The following NCALD variants were observed in gnomAD, a reference collection of about 807,000 sequenced individuals.
NCALD encodes neurocalcin delta, also known as neurocalcin-delta.
NCALD carries 10 observed loss-of-function variants against 18.6 expected under a neutral mutation model. That is an observed-to-expected ratio of 0.54 (90% CI 0.33 to 0.91). The LOEUF (loss-of-function observed/expected upper bound fraction) is 0.91. Among genes scored for constraint, NCALD ranks in the 40% least tolerant of loss-of-function variants. NCALD has a pLI of 0.03. For missense variants in NCALD, 184 were observed against 247.6 expected (o/e 0.74, Z 1.72); for synonymous variants, 88 against 87.4 (o/e 1.01, Z -0.04).
chr8:102,058,452 A>G (rs1823729401), intron 1 of NCALD, among the ~76,000 whole-genome samples: 1 of 152,226 alleles, frequency 6.6e-6, no homozygotes, highest in African/African-American at 2.4e-5. Context: ...TGTGGGCACC[A>G]TTCATTTTTC....
chr8:101,729,883 G>T (rs954789515), intron 1 of NCALD, among the ~76,000 whole-genome samples: 1 of 152,054 alleles, frequency 6.6e-6, no homozygotes, highest in African/African-American at 2.4e-5. Flanking sequence ...CTTCTGATAA[G>T]AATCTGAGCA....
chr8:102,094,451 A>T (rs114961396), intron 1 of NCALD, among the ~76,000 whole-genome samples: 3 of 152,292 alleles, frequency 2.0e-5, no homozygotes, highest in African/African-American at 7.2e-5. Context: ...TATCTCAAAC[A>T]AGTACTAAGG....
At chr8:101,771,954 T>A (rs1811600947) in intron 1 of NCALD, among the ~76,000 whole-genome samples, 1 of 152,200 alleles carries the variant, frequency 6.6e-6, no homozygotes, top group African/African-American at 2.4e-5. Flanking sequence ...CCAGACAGAA[T>A]ATGATCAAGG....
chr8:101,944,629 C>A (rs1297773641), intron 2 of NCALD, among the ~76,000 whole-genome samples: 1 of 152,194 alleles, frequency 6.6e-6, no homozygotes. Context: ...TCCCATTGGG[C>A]AGTGCCAATT....
At chr8:102,082,613 A>T (rs947546703) in intron 1 of NCALD, among the ~76,000 whole-genome samples, 2 of 152,104 alleles carry the variant, frequency 1.3e-5, no homozygotes, top group African/African-American at 4.8e-5. Context: ...ATTGTTTAAC[A>T]TTTGCAATTA....
chr8:101,978,114 C>T (rs1586859251), intron 2 of NCALD, among the ~76,000 whole-genome samples: 1 of 151,676 alleles, frequency 6.6e-6, no homozygotes, highest in South Asian at 2.1e-4. Flanking sequence ...TGTGCCCACC[C>T]CCGAGAAGTG....
At chr8:101,974,671 C>A (rs1820358398) in intron 2 of NCALD, among the ~76,000 whole-genome samples, 1 of 152,124 alleles carries the variant, frequency 6.6e-6, no homozygotes, top group African/African-American at 2.4e-5. Context: ...AGCAAACATA[C>A]AATGAAACTT....
At chr8:102,053,637 A>C (rs1302686645) in intron 1 of NCALD, among the ~76,000 whole-genome samples, 1 of 152,138 alleles carries the variant, frequency 6.6e-6, no homozygotes, top group African/African-American at 2.4e-5. Flanking sequence ...AACGTTAACC[A>C]CCTAGTAATA....
intron 4 of NCALD, among the ~76,000 whole-genome samples, chr8:101,853,314 G>C (rs1815174054): frequency 6.6e-6 from 1 of 152,156 alleles, no homozygotes; most frequent in Admixed American, 6.6e-5. Flanking sequence ...GAACCTTCTT[G>C]ATGGCAGATC....
At chr8:101,801,683 T>C (rs1465204122) in intron 4 of NCALD, among the ~76,000 whole-genome samples, 1 of 109,800 alleles carries the variant, frequency 9.1e-6, no homozygotes, top group Non-Finnish European at 1.7e-5. Context: ...TTTTTTTTTT[T>C]TGAGACGGAA....
chr8:101,773,365 C>T (rs555548837), intron 1 of NCALD, among the ~76,000 whole-genome samples: 2 of 152,214 alleles, frequency 1.3e-5, no homozygotes, highest in Non-Finnish European at 2.9e-5. Flanking sequence ...AGCTCTACTA[C>T]AGCTCAACTG....
intron 4 of NCALD, among the ~76,000 whole-genome samples, chr8:101,814,527 C>T (rs1813422718): frequency 6.6e-6 from 1 of 152,056 alleles, no homozygotes; most frequent in Admixed American, 6.6e-5. Flanking sequence ...CTACAGCTAG[C>T]ATCATACTTA....
chr8:102,075,935 G>A (rs924844187), intron 1 of NCALD, among the ~76,000 whole-genome samples: 1 of 150,540 alleles, frequency 6.6e-6, no homozygotes, highest in Admixed American at 6.6e-5. Context: ...CTGGGTGACA[G>A]AGCGAGATTC....
At chr8:101,776,978 T>C (rs1360149229) in intron 1 of NCALD, among the ~76,000 whole-genome samples, 1 of 152,144 alleles carries the variant, frequency 6.6e-6, no homozygotes, top group Non-Finnish European at 1.5e-5. Flanking sequence ...AGATTTTCTT[T>C]GGATGAATTA....
intron 2 of NCALD, among the ~76,000 whole-genome samples, chr8:101,718,499 G>C (rs946407193): frequency 3.3e-5 from 5 of 152,062 alleles, no homozygotes; most frequent in African/African-American, 1.2e-4. Flanking sequence ...TCTTAGCAGG[G>C]AGTGTTGATT....
chr8:101,769,929 A>G (rs1260026024), intron 1 of NCALD, among the ~76,000 whole-genome samples: 1 of 152,200 alleles, frequency 6.6e-6, no homozygotes, highest in Non-Finnish European at 1.5e-5. Flanking sequence ...GAGAGCAGAC[A>G]AGCCCTGGAT....
chr8:101,982,938 A>G (rs879398264), intron 2 of NCALD, among the ~76,000 whole-genome samples: 1 of 152,172 alleles, frequency 6.6e-6, no homozygotes, highest in Non-Finnish European at 1.5e-5. Flanking sequence ...AGGGTTTAGC[A>G]GACACATGCT....
intron 1 of NCALD, among the ~76,000 whole-genome samples, chr8:102,094,522 C>T (rs1453667453): frequency 6.6e-6 from 1 of 152,194 alleles, no homozygotes; most frequent in Non-Finnish European, 1.5e-5. Context: ...CATTCTGCTT[C>T]GAAGCCAGCG....
At chr8:101,790,188 A>G (rs1250623071) in intron 1 of NCALD, among the ~76,000 whole-genome samples, 1 of 152,248 alleles carries the variant, frequency 6.6e-6, no homozygotes, top group Non-Finnish European at 1.5e-5. Flanking sequence ...GATACTGGAA[A>G]TATGCACTTT....
Sources: gnomAD v4.1 joint callset for allele counts (sites outside exome capture counted in the v4.1 genomes callset) on GRCh38, gnomAD v4.1.1 for gene constraint, MANE v1.5 for transcripts, NCBI Gene and HGNC (gene_info 2026-07-23, HGNC 2026-07-21) for gene names.